Variants in OPCML observed in about 807,000 individuals in gnomAD.
The protein encoded by OPCML is opioid-binding protein/cell adhesion molecule.
Under a neutral mutation model 37.8 loss-of-function variants are expected in OPCML, and 13 were observed. The observed-to-expected ratio is 0.34, with a 90% confidence interval of 0.22 to 0.55. The LOEUF is 0.55. OPCML is among the 20% of genes least tolerant of loss of function. The pLI is 0.91. For synonymous variants in OPCML, 176 were observed against 168.8 expected (o/e 1.04, Z -0.33); for missense variants, 341 against 435.6 (o/e 0.78, Z 1.93).
At chr11:132,776,969 G>A (rs1211821144) in intron 2 of OPCML, among the ~76,000 whole-genome samples, 1 of 152,070 alleles carries the variant, frequency 6.6e-6, no homozygotes, top group Non-Finnish European at 1.5e-5. Context: ...GGAACTTGGG[G>A]TCCACAGAGG....
At chr11:132,798,130 G>A (rs1174881929) in intron 2 of OPCML, among the ~76,000 whole-genome samples, 1 of 151,980 alleles carries the variant, frequency 6.6e-6, no homozygotes, top group African/African-American at 2.4e-5. Flanking sequence ...TCTCGGTTCG[G>A]CATGATCTCG....
chr11:133,392,606 A>C (rs376455036), intron 1 of OPCML, among the ~76,000 whole-genome samples: 2 of 152,180 alleles, frequency 1.3e-5, no homozygotes, highest in African/African-American at 2.4e-5. Context: ...GGCTGTGTGC[A>C]CTTGTTCTGC....
At chr11:132,935,713 C>A (rs763703171) in intron 2 of OPCML, among the ~76,000 whole-genome samples, 1 of 152,138 alleles carries the variant, frequency 6.6e-6, no homozygotes, top group African/African-American at 2.4e-5. Flanking sequence ...GCAAGGCCTG[C>A]GCTCTCTGTG....
intron 1 of OPCML, among the ~76,000 whole-genome samples, chr11:133,393,450 C>A (rs542067319): frequency 6.6e-6 from 1 of 152,262 alleles, no homozygotes; most frequent in Admixed American, 6.5e-5. Context: ...GGCTTTCACC[C>A]CAGAGAATGC....
rs183875855 is a variant in OPCML at position 132,787,770 on chromosome 11, C to T, written c.147-130451G>A. The stretch of plus-strand genomic sequence containing the variant: ...TGATTGTACACTTATTGTAAGCAAA[C>T]CTGCCCCCATCTTGTGCTAAAAAGT... On this transcript the variant is annotated intron_variant, in intron 2 of 7. Transcript: ENST00000524381. Among the ~76,000 whole-genome samples, 374 of 152,240 alleles carry T rather than the reference C, an allele frequency of 2.5e-3. 1 individual carries two copies. Among genetic ancestry groups the T allele is most frequent in the Non-Finnish European group, 3.3e-3 (227 of 68,022 alleles).
chr11:133,457,942 C>T lies in OPCML; in HGVS notation c.61+74322G>A, dbSNP rs978045993. 6.6e-5 allele frequency among the ~76,000 whole-genome samples: 10 copies of T among 152,036 alleles called. No individual in the cohort carries two copies. In the South Asian group the frequency reaches 1.2e-3, roughly 19 times the overall value. ...CAGGTGGGTCATGAGGTCAGGAGTTCGAGACCAGCCTGGCCAACATGGTGA... is the reference window on the plus strand; with the variant it reads ...CAGGTGGGTCATGAGGTCAGGAGTTTGAGACCAGCCTGGCCAACATGGTGA... On this transcript the variant is annotated intron_variant, in intron 1 of 7. Coordinates refer to ENST00000524381, the MANE Select transcript of OPCML (RefSeq NM_001012393.5).
At chr11:133,484,815 T>C (rs892911276) in intron 1 of OPCML, among the ~76,000 whole-genome samples, 3 of 152,074 alleles carry the variant, frequency 2.0e-5, no homozygotes, top group Admixed American at 2.0e-4. Flanking sequence ...TACATTAAAA[T>C]ATAAAGGGAA....
chr11:133,411,194 G>A (rs981215287), intron 1 of OPCML, among the ~76,000 whole-genome samples: 4 of 152,174 alleles, frequency 2.6e-5, no homozygotes, highest in Non-Finnish European at 5.9e-5. Context: ...ACTAAAGAGG[G>A]CATGAATAAT....
intron 7 of OPCML, among the ~76,000 whole-genome samples, chr11:132,421,707 T>G (rs1422190535): frequency 6.6e-6 from 1 of 152,216 alleles, no homozygotes; most frequent in East Asian, 1.9e-4. Context: ...TGTCAGAGAA[T>G]ATTCACAAAA....
intron 3 of OPCML, among the ~76,000 whole-genome samples, chr11:132,581,908 C>T (rs538877605): frequency 6.6e-6 from 1 of 152,008 alleles, no homozygotes; most frequent in East Asian, 1.9e-4. Context: ...GACACCTGCC[C>T]ATGATAAGGA....
At chr11:133,161,671 C>G (rs1465856631) in intron 1 of OPCML, among the ~76,000 whole-genome samples, 1 of 152,124 alleles carries the variant, frequency 6.6e-6, no homozygotes, top group Non-Finnish European at 1.5e-5. Flanking sequence ...GAAATATATA[C>G]TGTATTGTAA....
At chr11:132,990,632 A>C (rs1331378642) in intron 1 of OPCML, among the ~76,000 whole-genome samples, 1 of 152,208 alleles carries the variant, frequency 6.6e-6, no homozygotes, top group African/African-American at 2.4e-5. Flanking sequence ...CCAGAAAGTA[A>C]GAAACTGGAG....
intron 3 of OPCML, among the ~76,000 whole-genome samples, chr11:132,564,479 C>A (rs760578143): frequency 6.6e-6 from 1 of 152,192 alleles, no homozygotes; most frequent in African/African-American, 2.4e-5. Flanking sequence ...CATCATTTTT[C>A]TTATGCAAGA....
chr11:133,063,692 G>A (rs1420329382), intron 1 of OPCML, among the ~76,000 whole-genome samples: 1 of 152,054 alleles, frequency 6.6e-6, no homozygotes, highest in African/African-American at 2.4e-5. Flanking sequence ...CTCCTGAGTA[G>A]CTGGGATTAC....
chr11:133,458,775 G>GTGTA (rs1555162140), intron 1 of OPCML, among the ~76,000 whole-genome samples: 1 of 129,716 alleles, frequency 7.7e-6, no homozygotes, highest in African/African-American at 4.0e-5. Flanking sequence ...GCACGTGTGT[G>GTGTA]TATATACACA....
chr11:133,349,553 G>A (rs538396362), intron 1 of OPCML, among the ~76,000 whole-genome samples: 62 of 152,238 alleles, frequency 4.1e-4, no homozygotes, highest in Middle Eastern at 6.8e-3. Flanking sequence ...AGTGGGATCC[G>A]AGAAACAATA....
intron 1 of OPCML, among the ~76,000 whole-genome samples, chr11:133,365,048 T>A (rs61912391): frequency 1.4e-5 from 2 of 146,472 alleles, no homozygotes; most frequent in South Asian, 4.5e-4. Flanking sequence ...TCTCTCTCTT[T>A]CACACACACA....
intron 1 of OPCML, among the ~76,000 whole-genome samples, chr11:133,144,727 A>T (rs1949874439): frequency 1.3e-5 from 2 of 152,250 alleles, no homozygotes; most frequent in Non-Finnish European, 2.9e-5. Context: ...AAATGAATTG[A>T]AACAAGTGAT....
intron 1 of OPCML, among the ~76,000 whole-genome samples, chr11:133,324,264 T>A (rs996217374): frequency 1.3e-5 from 2 of 152,196 alleles, no homozygotes; most frequent in African/African-American, 4.8e-5. Flanking sequence ...TGTTGTCTGA[T>A]CCCTGCCTGC....
Sources: allele counts gnomAD v4.1 joint callset (sites outside exome capture counted in the v4.1 genomes callset), GRCh38; gene constraint gnomAD v4.1.1; transcripts MANE v1.5; gene names NCBI Gene and HGNC (gene_info 2026-07-23, HGNC 2026-07-21).